Variants in PACRG observed in about 807,000 individuals in gnomAD.
PACRG encodes the protein parkin coregulated.
A neutral mutation model predicts 29.7 loss-of-function variants in PACRG; 29 were observed. The observed-to-expected ratio is 0.98, with a 90% CI of 0.73 to 1.33. The LOEUF is 1.33. PACRG is among the 40% of genes most tolerant of loss of function. The pLI is 0.00. For synonymous variants in PACRG, 116 were observed against 118.7 expected, an observed-to-expected ratio of 0.98 and a Z score of 0.15; for missense variants, 279 against 316.2, an observed-to-expected ratio of 0.88 and a Z score of 0.89.
intron 3 of PACRG, among the ~76,000 whole-genome samples, chr6:163,073,381 G>A (rs1424358866): frequency 6.6e-6 from 1 of 152,132 alleles, no homozygotes; most frequent in African/African-American, 2.4e-5. Context: ...ATATCCATAT[G>A]CACAAGAATG....
intron 1 of PACRG, among the ~76,000 whole-genome samples, chr6:162,804,801 C>A (rs1330100255): frequency 6.6e-6 from 1 of 152,142 alleles, no homozygotes; most frequent in Non-Finnish European, 1.5e-5. Flanking sequence ...CTATAGGATG[C>A]TTACCAATAT....
intron 2 of PACRG, among the ~76,000 whole-genome samples, chr6:163,006,052 T>C (rs1350697617): frequency 1.4e-5 from 2 of 145,270 alleles, no homozygotes; most frequent in Non-Finnish European, 3.0e-5. Flanking sequence ...TATATAACTA[T>C]GTATAACATA....
intron 2 of PACRG, among the ~76,000 whole-genome samples, chr6:162,997,116 T>G (rs947355351): frequency 1.3e-5 from 2 of 152,212 alleles, no homozygotes; most frequent in Non-Finnish European, 2.9e-5. Flanking sequence ...TAAAATTGGT[T>G]TGATAAAGAT....
intron 2 of PACRG, among the ~76,000 whole-genome samples, chr6:162,909,704 C>G (rs971438130): frequency 3.3e-5 from 5 of 152,026 alleles, no homozygotes; most frequent in Non-Finnish European, 5.9e-5. Flanking sequence ...GCATTTGTCA[C>G]ACTGCATTAT....
chr6:162,870,554 A>T (rs769734281), intron 2 of PACRG, among the ~76,000 whole-genome samples: 1 of 152,128 alleles, frequency 6.6e-6, no homozygotes, highest in Non-Finnish European at 1.5e-5. Flanking sequence ...CCCAGTTCGT[A>T]GTCTGTTATT....
chr6:163,053,015 T>A (rs1232238324), intron 2 of PACRG, among the ~76,000 whole-genome samples: 1 of 152,198 alleles, frequency 6.6e-6, no homozygotes, highest in Non-Finnish European at 1.5e-5. Context: ...AACTGATATG[T>A]CTAAAACATT....
At chr6:162,862,188 G>T (rs1791916985) in intron 2 of PACRG, among the ~76,000 whole-genome samples, 1 of 152,188 alleles carries the variant, frequency 6.6e-6, no homozygotes, top group South Asian at 2.1e-4. Flanking sequence ...TAGAAGGCAG[G>T]ATTCAGGTAG....
chr6:163,271,282 C>T (rs1191930268), intron 4 of PACRG, among the ~76,000 whole-genome samples: 1 of 152,250 alleles, frequency 6.6e-6, no homozygotes, highest in Non-Finnish European at 1.5e-5. Flanking sequence ...GGGTCTGCCT[C>T]TCCCAGGACC....
chr6:163,193,857 C>T (rs2128362837), intron 4 of PACRG, among the ~76,000 whole-genome samples: 1 of 150,822 alleles, frequency 6.6e-6, no homozygotes, highest in East Asian at 1.9e-4. Flanking sequence ...TTTTCAAATC[C>T]ATGTTGGACT....
At chr6:162,995,038 C>G (rs1251549386) in intron 2 of PACRG, among the ~76,000 whole-genome samples, 1 of 150,752 alleles carries the variant, frequency 6.6e-6, no homozygotes, top group African/African-American at 2.5e-5. Context: ...GGGGTGCCTC[C>G]CAGTTAGGCT....
At chr6:162,727,769 A>G (rs1010059378), upstream of PACRG, 9 of 1,260,776 alleles carry the variant, frequency 7.1e-6, no homozygotes, top group African/African-American at 9.0e-5. Flanking sequence ...TAAATCCTCC[A>G]GGCCTCCCCG....
chr6:162,905,629 C>T (rs889984159), intron 2 of PACRG, among the ~76,000 whole-genome samples: 6 of 152,090 alleles, frequency 3.9e-5, no homozygotes, highest in African/African-American at 1.4e-4. Context: ...GAGAGGGAGA[C>T]AGGGAAAAAG....
At chr6:162,753,397 C>G (rs1231848256) in intron 1 of PACRG, among the ~76,000 whole-genome samples, 1 of 152,132 alleles carries the variant, frequency 6.6e-6, no homozygotes. Flanking sequence ...GCATAGTGTC[C>G]TCCACATTCA....
intron 2 of PACRG, among the ~76,000 whole-genome samples, chr6:163,006,496 A>AT (rs1055294739): frequency 6.6e-6 from 1 of 151,640 alleles, no homozygotes; most frequent in Non-Finnish European, 1.5e-5. Context: ...ATGTTTACTG[A>AT]TTTTTTTGTA....
intron 4 of PACRG, among the ~76,000 whole-genome samples, chr6:163,241,848 C>T (rs1055223413): frequency 2.6e-5 from 4 of 152,170 alleles, no homozygotes; most frequent in Non-Finnish European, 5.9e-5. Context: ...GGGGATGGAA[C>T]AGATGAATCC....
chr6:162,768,163 T>G (rs1333224913), intron 1 of PACRG, among the ~76,000 whole-genome samples: 1 of 152,074 alleles, frequency 6.6e-6, no homozygotes, highest in South Asian at 2.1e-4. Context: ...CTCCTGGTGA[T>G]TAACTGTTTA....
At chr6:163,063,792 G>C (rs1811297077) in intron 3 of PACRG, among the ~76,000 whole-genome samples, 1 of 152,104 alleles carries the variant, frequency 6.6e-6, no homozygotes, top group African/African-American at 2.4e-5. Flanking sequence ...TCTGAAAAGG[G>C]GCTTATTAAA....
In PACRG at chr6:163,036,269, T is replaced by C. The variant is rs1266656777; in HGVS notation, c.292-25881T>C. Among the ~76,000 whole-genome samples, 9 of 152,356 alleles carry C rather than the reference T, an allele frequency of 5.9e-5. No homozygotes were observed. The East Asian group carries it at 1.7e-3, about 29-fold the overall frequency. On this transcript the variant is annotated intron_variant, in intron 2 of 4. Transcript: ENST00000366888. Reference sequence around the variant, plus strand: ...ACTATCAGAAATTGGCATTAGGGAATTATTTAGCTCTCTCATTTTCCATAG... The same window carrying C: ...ACTATCAGAAATTGGCATTAGGGAACTATTTAGCTCTCTCATTTTCCATAG...
At chr6:163,165,824 G>T in intron 4 of PACRG, 1 of 298,014 alleles carries the variant, frequency 3.4e-6, no homozygotes, top group Admixed American at 4.6e-5. Context: ...CAGGCGAGGG[G>T]ACCAGGGAGG....
Sources: allele counts gnomAD v4.1 joint callset (sites outside exome capture counted in the v4.1 genomes callset), GRCh38; gene constraint gnomAD v4.1.1; transcripts MANE v1.5; gene names NCBI Gene and HGNC (gene_info 2026-07-23, HGNC 2026-07-21).